SEPTIN14: variants seen among roughly 807,000 people sequenced by gnomAD.
SEPTIN14 encodes the protein septin-14.
A neutral mutation model predicts 53.6 loss-of-function variants in SEPTIN14; 40 were observed. That is an observed-to-expected ratio of 0.75 (90% CI 0.58 to 0.97). The LOEUF (loss-of-function observed/expected upper bound fraction) is 0.97, where lower values mean the gene tolerates loss of function less well. Among genes scored for constraint, SEPTIN14 ranks in the 50% least tolerant of loss-of-function variants. SEPTIN14 has a pLI of 0.00. For synonymous variants in SEPTIN14, 138 were observed against 166.8 expected (o/e 0.83, Z 1.33); for missense variants, 471 against 508.2 (o/e 0.93, Z 0.70).
At chr7:55,827,232 T>C (rs1417605078) in intron 6 of SEPTIN14, among the ~76,000 whole-genome samples, 1 of 152,180 alleles carries the variant, frequency 6.6e-6, no homozygotes, top group African/African-American at 2.4e-5. Context: ...TCCACCCTCA[T>C]GTGCTGAAAG....
Position 55,843,038 on chromosome 7 carries a change from A to G in SEPTIN14, c.462T>C (p.His154=), listed in dbSNP as rs768658644. 1.2e-6 allele frequency: 2 copies of G among 1,602,508 alleles called. No homozygotes were observed. The highest frequency in any genetic ancestry group is 4.5e-5 in the East Asian group (2 of 44,664). ...AAAGACACACGTGGACGCGAGAATC[A>G]TGGTACTCAAACAAGGAACGTTTAA... The part of the protein sequence containing the change: ...LKIKRSLFEY[H]DSRVHVCLYF... Residue 154 remains histidine (H), a synonymous_variant, in exon 5 of 10, where the codon CAT becomes CAC. Transcript: ENST00000388975.
At chr7:55,844,859 T>C in intron 3 of SEPTIN14, 141 bp from the exon 4 acceptor site, 1 of 417,972 alleles carries the variant, frequency 2.4e-6, no homozygotes, top group East Asian at 3.5e-5. Context: ...TACCAGAGGC[T>C]GGGGGAGCAG....
At chr7:55,828,718 A>G (rs530848173) in intron 6 of SEPTIN14, among the ~76,000 whole-genome samples, 177 of 152,120 alleles carry the variant, frequency 1.2e-3, no homozygotes, top group African/African-American at 4.2e-3. Flanking sequence ...GTCTAATGTG[A>G]TTTCCTTTAT....
Position 55,796,101 on chromosome 7 carries a change from C to G in SEPTIN14, c.1120-9G>C. On this transcript the variant is annotated splice_polypyrimidine_tract_variant and intron_variant, in intron 9 of 9. Coordinates refer to ENST00000388975, the MANE Select transcript of SEPTIN14 (RefSeq NM_207366.3). The stretch of plus-strand genomic sequence containing the variant: ...TCGAACTTGTCCTGCAGCTGTGAAA[C>G]CAATGTGCAGTTGTGACACCAAAGC... 1.4e-6 allele frequency: 2 copies of G among 1,481,282 alleles called. No individual in the cohort carries two copies. The highest frequency in any genetic ancestry group is 1.9e-6 in the Non-Finnish European group (2 of 1,075,898). The allele number at this position is 1,481,282 out of a possible 1,614,324, so 91.8% of individuals were successfully genotyped here.
chr7:55,794,057 T>C lies in SEPTIN14; in HGVS notation c.*1856A>G, dbSNP rs1788385290. The C allele has an allele frequency of 6.6e-6, 1 of 151,974 alleles. No individual in the cohort carries two copies. Among genetic ancestry groups the C allele is most frequent in the African/African-American group, 2.4e-5 (1 of 41,420 alleles). 9.4% of individuals were successfully genotyped at this position (151,974 alleles called of 1,614,324 possible). On this transcript the variant is annotated 3_prime_UTR_variant, in exon 10 of 10. Coordinates refer to ENST00000388975, the MANE Select transcript of SEPTIN14 (RefSeq NM_207366.3). The stretch of plus-strand genomic sequence containing the variant: ...TTTTTTTAGAAAAAATTATGGAAAA[T>C]AAAAATATGCCTTATAGTATCATAT...
intron 7 of SEPTIN14, chr7:55,811,415 G>A (rs1225345601): frequency 4.4e-6 from 2 of 456,950 alleles, no homozygotes; most frequent in African/African-American, 4.0e-5. Flanking sequence ...GAGCCATGGT[G>A]TTGGGTGGAG....
intron 6 of SEPTIN14, among the ~76,000 whole-genome samples, chr7:55,828,311 T>TC (rs1342984403): frequency 6.6e-6 from 1 of 150,454 alleles, no homozygotes; most frequent in East Asian, 1.9e-4. Flanking sequence ...TTTTTTTTTT[T>TC]TTTTTCTTTT....
chr7:55,828,526 G>A lies in SEPTIN14; in HGVS notation c.720+5899C>T, dbSNP rs190905520. Among the ~76,000 whole-genome samples, 196 of 152,154 alleles carry A rather than the reference G, an allele frequency of 1.3e-3. 1 individual carries two copies. The highest frequency in any genetic ancestry group is 0.011 in the Admixed American group (175 of 15,284). On this transcript the variant is annotated intron_variant, in intron 6 of 9. Coordinates refer to ENST00000388975, the MANE Select transcript of SEPTIN14 (RefSeq NM_207366.3). ...TCACCGTGTTAGCCAGGATGGTCTC[G>A]ATCTCCTGACCTCGTGATCCGCCCA... is the stretch of plus-strand genomic sequence containing the variant.
chr7:55,831,273 GA>G (rs969087536), intron 6 of SEPTIN14, among the ~76,000 whole-genome samples: 1 of 151,954 alleles, frequency 6.6e-6, no homozygotes, highest in Non-Finnish European at 1.5e-5. Flanking sequence ...TAAAAAGGGA[GA>G]AAAAAATTGT....
intron 7 of SEPTIN14, among the ~76,000 whole-genome samples, chr7:55,811,740 C>T (rs1788710465): frequency 6.6e-6 from 1 of 151,652 alleles, no homozygotes. Context: ...TTCAGGTGAT[C>T]TGCCCACCTC....
rs1476475555 is a variant in SEPTIN14 at position 55,796,157 on chromosome 7, CT to C, written c.1120-66del. The C allele has an allele frequency of 2.8e-6, 3 of 1,058,008 alleles. No individual in the cohort carries two copies. In the East Asian group the frequency reaches 7.2e-5, roughly 25 times the overall value. The allele number at this position is 1,058,008 out of a possible 1,614,324, so 65.5% of individuals were successfully genotyped here. On this transcript the variant is annotated intron_variant, in intron 9 of 9. Coordinates refer to ENST00000388975, the MANE Select transcript of SEPTIN14 (RefSeq NM_207366.3). Reference sequence around the variant, plus strand: ...GTGGCTGAACACCCAAAAGAATATGCTTTTTTCTAAATATCAAACAAACCCA... The same window carrying C: ...GTGGCTGAACACCCAAAAGAATATGCTTTTTCTAAATATCAAACAAACCCA...
At chr7:55,846,904 G>A (rs1245649951) in intron 2 of SEPTIN14, among the ~76,000 whole-genome samples, 1 of 152,026 alleles carries the variant, frequency 6.6e-6, no homozygotes, top group Non-Finnish European at 1.5e-5. Context: ...AAAAGAGACA[G>A]GGGACAGGCA....
chr7:55,832,199 TCAAACACA>T, intron 6 of SEPTIN14, among the ~76,000 whole-genome samples: 1 of 97,566 alleles, frequency 1.0e-5, no homozygotes, highest in South Asian at 4.0e-4. Flanking sequence ...AGACTCTGTC[TCAAACACA>T]CACACACACA....
intron 7 of SEPTIN14, among the ~76,000 whole-genome samples, chr7:55,809,817 A>G (rs1584253491): frequency 6.9e-6 from 1 of 144,710 alleles, no homozygotes; most frequent in Non-Finnish European, 1.5e-5. Flanking sequence ...GCTTGCCAGC[A>G]CTTGTAATGG....
At position 55,846,774 on chromosome 7, in the gene SEPTIN14, T is replaced by C. The variant is rs1789424349; in HGVS notation, c.55-137A>G. On this transcript the variant is annotated intron_variant, in intron 2 of 9. Transcript: ENST00000388975. ...TCATACCTCAGACAAGATGCAAATA[T>C]ATTAAGTAAATTTGTGAAAATAGAA... 1.8e-5 allele frequency: 10 copies of C among 552,842 alleles called. No individual in the cohort carries two copies. In the South Asian group the frequency reaches 2.5e-4, roughly 14 times the overall value. The allele number at this position is 552,842 out of a possible 1,614,324, so 34.2% of individuals were successfully genotyped here. A position where few individuals can be genotyped will look rare whatever the true frequency, so the allele number is the denominator to read the frequency against.
intron 7 of SEPTIN14, chr7:55,811,317 A>G: frequency 3.9e-6 from 2 of 510,272 alleles, no homozygotes; most frequent in Non-Finnish European, 4.0e-6. Flanking sequence ...TCGTATTTCC[A>G]CTTTGCAGTC....
In SEPTIN14 at chr7:55,818,472, C is replaced by CAAAA. The variant is rs61089405; in HGVS notation, c.817+651_817+654dup. ...GGGCAACACGAGTGAAACTCTGTCT[C>CAAAA]AAAAAAAAAAAAAAAAAAAAAATCA... On this transcript the variant is annotated intron_variant, in intron 7 of 9. Coordinates refer to ENST00000388975, the MANE Select transcript of SEPTIN14 (RefSeq NM_207366.3). Among the ~76,000 whole-genome samples the CAAAA allele has an allele frequency of 6.5e-4, 56 of 86,188 alleles. 1 individual carries two copies. The highest frequency in any genetic ancestry group is 1.7e-3 in the African/African-American group (38 of 22,072). 56.5% of individuals were successfully genotyped at this position (86,188 alleles called of 152,430 possible). A position where few individuals can be genotyped will look rare whatever the true frequency, so the allele number is the denominator to read the frequency against.
chr7:55,843,630 A>G (rs1379088969), intron 4 of SEPTIN14, among the ~76,000 whole-genome samples: 4 of 152,036 alleles, frequency 2.6e-5, no homozygotes, highest in Non-Finnish European at 1.5e-5. Flanking sequence ...TCAGGAGTTC[A>G]AGACCATCCT....
chr7:55,826,605 C>G (rs367689622), intron 6 of SEPTIN14, among the ~76,000 whole-genome samples: 1 of 152,142 alleles, frequency 6.6e-6, no homozygotes, highest in African/African-American at 2.4e-5. Flanking sequence ...CAAGACCAGC[C>G]TGGCCAACAT....
Sources: gnomAD v4.1 joint callset for allele counts (sites outside exome capture counted in the v4.1 genomes callset) on GRCh38, gnomAD v4.1.1 for gene constraint, MANE v1.5 for transcripts, NCBI Gene and HGNC (gene_info 2026-07-23, HGNC 2026-07-21) for gene names.